The following HDAC4 variants were observed in gnomAD, a reference collection of about 807,000 sequenced individuals.
HDAC4 encodes histone deacetylase 4.
HDAC4 carries 16 observed loss-of-function variants against 135.1 expected under a neutral mutation model. That is an observed-to-expected ratio of 0.12 (90% confidence interval 0.08 to 0.18). The LOEUF is 0.18. Among genes scored for constraint, HDAC4 ranks in the 10% least tolerant of loss-of-function variants. The probability of loss-of-function intolerance (pLI) is 1.00; values close to 1 mark genes in which losing one functional copy is unlikely to be tolerated. For missense variants in HDAC4, 1,143 were observed against 1,511.8 expected, an observed-to-expected ratio of 0.76 and a Z score of 4.05; for synonymous variants, 685 against 653.4, an observed-to-expected ratio of 1.05 and a Z score of -0.74.
At position 239,157,272 on chromosome 2, in the gene HDAC4, G is replaced by A. The variant is rs576107830; in HGVS notation, c.612-499C>T. Among the ~76,000 whole-genome samples, 9 of 152,342 alleles carry A rather than the reference G, an allele frequency of 5.9e-5. No homozygotes were observed. In the East Asian group the frequency reaches 1.5e-3, roughly 26 times the overall value. Reference sequence around the variant, plus strand: ...TGGGACTCTCTCTGCCACCTGGAGAGAAGAAGCCCATGGGGCTGTCTCTCA... The same window carrying A: ...TGGGACTCTCTCTGCCACCTGGAGAAAAGAAGCCCATGGGGCTGTCTCTCA... On this transcript the variant is annotated intron_variant, in intron 6 of 26. Transcript: ENST00000543185.
At position 239,084,256 on chromosome 2, in the gene HDAC4, C is replaced by T; in HGVS notation, c.2445-14G>A. The T allele has an allele frequency of 6.2e-7, 1 of 1,601,020 alleles. No homozygotes were observed. On this transcript the variant is annotated splice_polypyrimidine_tract_variant and intron_variant, in intron 19 of 26. Coordinates refer to ENST00000543185, the MANE Select transcript of HDAC4 (RefSeq NM_001378414.1). ...TAGCAAAAGCCCCTGCGGGAGAGAA[C>T]TGACGCTGGAGACGAAGCGCAGGTG...
At chr2:239,292,552 A>G (rs2051588636) in intron 2 of HDAC4, among the ~76,000 whole-genome samples, 1 of 152,124 alleles carries the variant, frequency 6.6e-6, no homozygotes, top group African/African-American at 2.4e-5. Context: ...GAAAATACAG[A>G]CCCACCAACC....
At chr2:239,241,957 A>T (rs960541900) in intron 2 of HDAC4, among the ~76,000 whole-genome samples, 2 of 152,022 alleles carry the variant, frequency 1.3e-5, no homozygotes, top group African/African-American at 2.4e-5. Context: ...AAGGCAAAAA[A>T]CCCTACTTTT....
Position 239,313,921 on chromosome 2 carries a change from T to A in HDAC4, c.22+38757A>T, listed in dbSNP as rs1187052881. Among the ~76,000 whole-genome samples the A allele has an allele frequency of 7.2e-5, 11 of 152,082 alleles. No homozygotes were observed. Among genetic ancestry groups the A allele is most frequent in the Admixed American group, 7.2e-4 (11 of 15,258 alleles). ...CTTACCACTGCACCGTCCCTGTGAG[T>A]GTGCGTGGGGAGGGGCTGTAGTTCC... On this transcript the variant is annotated intron_variant, in intron 2 of 26. Coordinates refer to ENST00000543185, the MANE Select transcript of HDAC4 (RefSeq NM_001378414.1). This position sits in a 1 kb window ranked among gnomAD's most constrained non-coding sequence, Gnocchi z 5.1.
At chr2:239,053,862 G>A (rs1156512319) in intron 25 of HDAC4, among the ~76,000 whole-genome samples, 1 of 152,144 alleles carries the variant, frequency 6.6e-6, no homozygotes, top group African/African-American at 2.4e-5. Context: ...ACTGCAGAGG[G>A]AGGCTCCTGT....
At chr2:239,275,095 C>G (rs1039721319) in intron 2 of HDAC4, among the ~76,000 whole-genome samples, 1 of 152,232 alleles carries the variant, frequency 6.6e-6, no homozygotes, top group Non-Finnish European at 1.5e-5. Context: ...GCACACGCTA[C>G]GCTATCATTA....
At chr2:239,140,174 A>G (rs1260193457) in intron 8 of HDAC4, among the ~76,000 whole-genome samples, 1 of 152,220 alleles carries the variant, frequency 6.6e-6, no homozygotes, top group Non-Finnish European at 1.5e-5. Flanking sequence ...TCCTGTGCTC[A>G]CTATAAAAAG....
intron 3 of HDAC4, among the ~76,000 whole-genome samples, chr2:239,198,243 G>T (rs564530731): frequency 6.6e-6 from 1 of 152,200 alleles, no homozygotes. Flanking sequence ...ATGTGTTGCC[G>T]AGTGTGAGTG....
chr2:239,151,787 C>T (rs2152935935), intron 7 of HDAC4, among the ~76,000 whole-genome samples: 1 of 152,306 alleles, frequency 6.6e-6, no homozygotes, highest in South Asian at 2.1e-4. Flanking sequence ...TTAAAAGAGC[C>T]AGGACAATCC....
intron 3 of HDAC4, among the ~76,000 whole-genome samples, chr2:239,196,901 G>A (rs374960727): frequency 5.3e-5 from 8 of 152,310 alleles, no homozygotes; most frequent in South Asian, 2.1e-4. Flanking sequence ...TTTAGGCAGC[G>A]AGGCAGGCAG....
At chr2:239,108,332 G>C (rs1459670416) in intron 14 of HDAC4, 149 bp from the exon 15 acceptor site, 4 of 1,046,352 alleles carry the variant, frequency 3.8e-6, no homozygotes, top group East Asian at 2.6e-5. Flanking sequence ...TACCACGTTT[G>C]CCAAGACTCC....
At chr2:239,080,808 A>G (rs1009651890) in intron 22 of HDAC4, 4 of 502,962 alleles carry the variant, frequency 8.0e-6, no homozygotes, top group Admixed American at 3.4e-5. Flanking sequence ...ACTCTGCACA[A>G]AAGTCCCTGC....
In HDAC4 at chr2:239,299,058, C is replaced by T. The variant is rs375561504; in HGVS notation, c.22+53620G>A. On this transcript the variant is annotated intron_variant, in intron 2 of 26. Coordinates refer to ENST00000543185, the MANE Select transcript of HDAC4 (RefSeq NM_001378414.1). The surrounding 1 kb of genome is among the most constrained non-coding windows in gnomAD (Gnocchi z 4.0). ...TAATTTTTTGTATTTTTAGTAGAGA[C>T]GGGGTTTCATGTTAGCCAGGATGGT... Among the ~76,000 whole-genome samples, 23 of 151,994 alleles carry T rather than the reference C, an allele frequency of 1.5e-4. No homozygotes were observed. The East Asian group carries it at 1.8e-3, about 12-fold the overall frequency.
intron 1 of HDAC4, among the ~76,000 whole-genome samples, chr2:239,369,416 T>A (rs1694449854): frequency 6.6e-6 from 1 of 152,116 alleles, no homozygotes; most frequent in Admixed American, 6.5e-5. Context: ...TGGGCTGCAA[T>A]GTCTCCAAGC....
chr2:239,304,206 C>T (rs1353631310), intron 2 of HDAC4, among the ~76,000 whole-genome samples: 3 of 151,900 alleles, frequency 2.0e-5, no homozygotes, highest in Non-Finnish European at 4.4e-5. Flanking sequence ...AGTGTGAGCT[C>T]GGGGAAGAAG....
chr2:239,053,019 G>C lies in HDAC4; in HGVS notation c.*78C>G. ...AAGAGAGCCCCACGGTGGGACGCAG[G>C]CGTGACACGGGAAAGTTTCTTGGCT... On this transcript the variant is annotated 3_prime_UTR_variant, in exon 27 of 27. Coordinates refer to ENST00000543185, the MANE Select transcript of HDAC4 (RefSeq NM_001378414.1). 2 of 1,551,660 alleles carry C rather than the reference G, an allele frequency of 1.3e-6. No individual in the cohort carries two copies. The highest frequency in any genetic ancestry group is 1.8e-6 in the Non-Finnish European group (2 of 1,123,048).
chr2:239,314,010 G>A (rs1028898482), intron 2 of HDAC4, among the ~76,000 whole-genome samples: 1 of 152,110 alleles, frequency 6.6e-6, no homozygotes, highest in African/African-American at 2.4e-5. Context: ...CTTGGTGCTG[G>A]CTAGAAGGGG....
intron 13 of HDAC4, 92 bp from the exon 14 acceptor site, chr2:239,111,804 G>C (rs540739180): frequency 1.2e-5 from 15 of 1,209,974 alleles, no homozygotes; most frequent in Non-Finnish European, 1.7e-5. Context: ...CAAGTCTCCC[G>C]TCCACGCACA....
chr2:239,109,043 C>A (rs983114851), intron 14 of HDAC4, among the ~76,000 whole-genome samples: 1 of 152,230 alleles, frequency 6.6e-6, no homozygotes, highest in Non-Finnish European at 1.5e-5. Context: ...GCTAGAGATG[C>A]GAGGGAAGGC....
Sources: allele counts gnomAD v4.1 joint callset (sites outside exome capture counted in the v4.1 genomes callset), GRCh38; gene constraint gnomAD v4.1.1; non-coding constraint Gnocchi (gnomAD v3.1); transcripts MANE v1.5; gene names NCBI Gene and HGNC (gene_info 2026-07-23, HGNC 2026-07-21).